The following RSRP1 variants were observed in gnomAD, a reference collection of about 807,000 sequenced individuals.
RSRP1 encodes arginine and serine rich protein 1, also known as arginine/serine-rich protein 1.
Under a neutral mutation model 33.0 loss-of-function variants are expected in RSRP1, and 37 were observed. The observed-to-expected ratio is 1.12, with a 90% CI of 0.86 to 1.48. The LOEUF (loss-of-function observed/expected upper bound fraction) is 1.48, where lower values mean the gene tolerates loss of function less well. Among genes scored for constraint, RSRP1 ranks in the 40% most tolerant of loss-of-function variants. The pLI, the probability that RSRP1 is intolerant of heterozygous loss-of-function variation, is 0.00. For synonymous variants in RSRP1, 167 were observed against 158.7 expected, an observed-to-expected ratio of 1.05 and a Z score of -0.40; for missense variants, 402 against 385.3, an observed-to-expected ratio of 1.04 and a Z score of -0.36.
chr1:25,253,656 G>A (rs544942425), intron 1 of RSRP1: 7 of 152,366 alleles, frequency 4.6e-5, no homozygotes, highest in Admixed American at 6.5e-5. Flanking sequence ...CACGGCGCCC[G>A]GCCTATGCCC....
chr1:25,307,097 T>A (rs657596), intron 1 of RSRP1: 2 of 324,354 alleles, frequency 6.2e-6, no homozygotes, highest in Non-Finnish European at 1.3e-5. Flanking sequence ...GCTGGGCATG[T>A]GGCTTAACCT....
rs371777913 is a variant in RSRP1, at chr1:25,291,027, T to C, written c.-66-43998A>G. Among the ~76,000 whole-genome samples the C allele has an allele frequency of 3.8e-5, 5 of 131,440 alleles. 1 individual carries two copies. The highest frequency in any genetic ancestry group is 4.0e-3 in the Middle Eastern group (1 of 248). The allele number at this position is 131,440 out of a possible 152,430, so 86.2% of individuals were successfully genotyped here. A position where few individuals can be genotyped will look rare whatever the true frequency, so the allele number is the denominator to read the frequency against. ...ATCCAGTTGTGGTGGCATGCACCTG[T>C]AGTCTCAGTTACTCAGGAGGCTGAG... On this transcript the variant is annotated intron_variant, in intron 1 of 1. Coordinates refer to the RSRP1 transcript ENST00000561867.
intron 1 of RSRP1, among the ~76,000 whole-genome samples, chr1:25,297,778 G>A (rs1452280225): frequency 2.3e-5 from 3 of 131,954 alleles, no homozygotes; most frequent in South Asian, 4.6e-4. Context: ...TTTCTTAGGC[G>A]GAATGAAGAG....
intron 1 of RSRP1, chr1:25,284,554 C>A (rs1159717668): frequency 1.4e-6 from 2 of 1,388,070 alleles, no homozygotes; most frequent in Admixed American, 1.8e-5. Context: ...GTCCTTCTCG[C>A]CATCTCCCCA....
chr1:25,247,051 A>C (rs1353619647), intron 1 of RSRP1, 22 bp from the exon 2 acceptor site: 16 of 1,339,192 alleles, frequency 1.2e-5, no homozygotes, highest in African/African-American at 2.9e-5. Context: ...AGAGAGAAAA[A>C]ACAAGTCGAG....
At position 25,274,457 on chromosome 1, in the gene RSRP1, A is replaced by G. The variant is rs868373166; in HGVS notation, c.-66-27428T>C. Among the ~76,000 whole-genome samples the G allele has an allele frequency of 2.3e-5, 3 of 132,172 alleles. 1 individual carries two copies. The South Asian group carries it at 6.9e-4, about 30-fold the overall frequency. 86.7% of individuals were successfully genotyped at this position (132,172 alleles called of 152,430 possible). On this transcript the variant is annotated intron_variant, in intron 1 of 1. Coordinates refer to the RSRP1 transcript ENST00000561867. ...ATGTTCTTTACCCCTGCACCGTGCT[A>G]CTAACGTAGGTACAAAATGTCCTCA...
chr1:25,293,262 T>TG (rs1642666039), intron 1 of RSRP1, among the ~76,000 whole-genome samples: 1 of 129,248 alleles, frequency 7.7e-6, no homozygotes, highest in African/African-American at 2.7e-5. Flanking sequence ...AGAAGAGAGA[T>TG]GAACTGCAAG....
chr1:25,282,235 T>C lies in RSRP1; in HGVS notation c.-66-35206A>G, dbSNP rs914890471. On this transcript the variant is annotated intron_variant, in intron 1 of 1. Coordinates refer to the RSRP1 transcript ENST00000561867. Reference sequence around the variant, plus strand: ...AAACACATAAATTGATATTTCATTTTATTTATTTATTTATTTTGAGACAGA... The same window carrying C: ...AAACACATAAATTGATATTTCATTTCATTTATTTATTTATTTTGAGACAGA... Among the ~76,000 whole-genome samples, 7 of 131,866 alleles carry C rather than the reference T, an allele frequency of 5.3e-5. 2 individuals are homozygous for C. Among genetic ancestry groups the C allele is most frequent in the Admixed American group, 4.4e-4 (6 of 13,550 alleles). 86.5% of individuals were successfully genotyped at this position (131,866 alleles called of 152,430 possible).
chr1:25,291,576 A>G (rs35810968), intron 1 of RSRP1, among the ~76,000 whole-genome samples: 2,364 of 132,692 alleles, frequency 0.018, 260 homozygotes, highest in African/African-American at 0.056. Context: ...CAACAAACCA[A>G]TGCCTTTAAC....
chr1:25,334,661 C>T (rs1571786747), intron 1 of RSRP1, among the ~76,000 whole-genome samples: 2 of 133,294 alleles, frequency 1.5e-5, no homozygotes, highest in East Asian at 1.9e-4. Flanking sequence ...CAGGCATTTC[C>T]GCACATCCTC....
chr1:25,313,298 C>A (rs1384999990), intron 1 of RSRP1, among the ~76,000 whole-genome samples: 1 of 131,982 alleles, frequency 7.6e-6, no homozygotes, highest in African/African-American at 2.6e-5. Flanking sequence ...TCTTGGACTT[C>A]CCAGCCTCCA....
intron 3 of RSRP1, chr1:25,244,105 C>T: frequency 1.6e-6 from 2 of 1,256,414 alleles, no homozygotes; most frequent in Non-Finnish European, 2.1e-6. Flanking sequence ...CTCTGTCACC[C>T]AGGCTGGAGT....
intron 1 of RSRP1, among the ~76,000 whole-genome samples, chr1:25,331,388 AG>A (rs1645003410): frequency 7.6e-6 from 1 of 131,526 alleles, no homozygotes; most frequent in Admixed American, 7.4e-5. Context: ...TTTAGGGGTT[AG>A]GGCTTCAAAA....
intron 1 of RSRP1, among the ~76,000 whole-genome samples, chr1:25,309,011 A>G (rs371128974): frequency 1.5e-5 from 2 of 132,360 alleles, no homozygotes; most frequent in East Asian, 1.9e-4. Flanking sequence ...CATCCGTATG[A>G]GGACATCTCT....
chr1:25,319,584 G>A lies in RSRP1; in HGVS notation c.-67+18394C>T, dbSNP rs1274039984. Among the ~76,000 whole-genome samples the A allele has an allele frequency of 3.0e-5, 4 of 132,012 alleles. 2 individuals are homozygous for A. Among genetic ancestry groups the A allele is most frequent in the Non-Finnish European group, 7.2e-5 (4 of 55,738 alleles). 86.6% of individuals were successfully genotyped at this position (132,012 alleles called of 152,430 possible). A position where few individuals can be genotyped will look rare whatever the true frequency, so the allele number is the denominator to read the frequency against. On this transcript the variant is annotated intron_variant, in intron 1 of 1. Coordinates refer to the RSRP1 transcript ENST00000561867. ...AGATCATGCCACTGCACTCCAGCCT[G>A]GACAACAGAGCAAGACCCTGTCTCA...
rs757509077 is a variant in RSRP1 at position 25,242,732 on chromosome 1, TC to T, written c.757-28del. The stretch of plus-strand genomic sequence containing the variant: ...TGTAAAAGAACAAATTCAGTCAGCT[TC>T]CCAAACATACATTGTACACTTTTTT... On this transcript the variant is annotated intron_variant, in intron 4 of 4. Transcript: ENST00000243189. 20 of 1,429,972 alleles carry T rather than the reference TC, an allele frequency of 1.4e-5. No homozygotes were observed. The South Asian group carries it at 2.3e-4, about 17-fold the overall frequency. 88.6% of individuals were successfully genotyped at this position (1,429,972 alleles called of 1,614,324 possible).
Position 25,322,490 on chromosome 1 carries a change from T to A in RSRP1, c.-67+15488A>T, listed in dbSNP as rs1337875672. Among the ~76,000 whole-genome samples the A allele has an allele frequency of 2.3e-5, 3 of 132,262 alleles. 1 individual carries two copies. The highest frequency in any genetic ancestry group is 5.4e-5 in the Non-Finnish European group (3 of 55,748). 86.8% of individuals were successfully genotyped at this position (132,262 alleles called of 152,430 possible). ...GAGTTCGAGACCAGCCTGGCCAACG[T>A]GTCGAAACCCCATCTCTACTAAAAA... On this transcript the variant is annotated intron_variant, in intron 1 of 1. Transcript: ENST00000561867.
At chr1:25,261,077 G>A (rs1347950734) in intron 1 of RSRP1, among the ~76,000 whole-genome samples, 2 of 152,092 alleles carry the variant, frequency 1.3e-5, no homozygotes, top group African/African-American at 2.4e-5. Context: ...TAGGATTACA[G>A]GCGTGAGCCA....
At position 25,306,082 on chromosome 1, in the gene RSRP1, G is replaced by A. The variant is rs1328041844; in HGVS notation, c.-67+31896C>T. 2.3e-5 allele frequency among the ~76,000 whole-genome samples: 3 copies of A among 131,854 alleles called. No homozygotes were observed. The East Asian group carries it at 5.9e-4, about 26-fold the overall frequency. 86.5% of individuals were successfully genotyped at this position (131,854 alleles called of 152,430 possible). On this transcript the variant is annotated intron_variant, in intron 1 of 1. Coordinates refer to the RSRP1 transcript ENST00000561867. ...TGCTTTCTTTCTAACCAGCTGTGTTGTCTTTGGGATGGTGCTTAAATTTGG... is the reference window on the plus strand; with the variant it reads ...TGCTTTCTTTCTAACCAGCTGTGTTATCTTTGGGATGGTGCTTAAATTTGG...
Sources: gnomAD v4.1 joint callset for allele counts (sites outside exome capture counted in the v4.1 genomes callset) on GRCh38, gnomAD v4.1.1 for gene constraint, MANE v1.5 for transcripts, NCBI Gene and HGNC (gene_info 2026-07-23, HGNC 2026-07-21) for gene names.